The following MSL2 variants were observed in gnomAD, a reference collection of about 807,000 sequenced individuals.
MSL2 encodes MSL complex subunit 2.
MSL2 carries 2 observed loss-of-function variants against 35.8 expected under a neutral mutation model. The ratio of observed to expected loss-of-function variants is 0.06; its 90% CI spans 0.02 to 0.18. The LOEUF is 0.18. MSL2 is among the 10% of genes least tolerant of loss of function. The pLI is 1.00. For missense variants in MSL2, 523 were observed against 706.7 expected, an observed-to-expected ratio of 0.74 and a Z score of 2.95; for synonymous variants, 296 against 255.7, an observed-to-expected ratio of 1.16 and a Z score of -1.50.
chr3:136,181,466 T>C (rs1286869655), intron 1 of MSL2, among the ~76,000 whole-genome samples: 1 of 152,196 alleles, frequency 6.6e-6, no homozygotes, highest in Admixed American at 6.5e-5. Context: ...GATAAACATT[T>C]AAAATGTTTT....
rs1940822649 is a variant in MSL2 at position 136,195,677 on chromosome 3, CGAA to C, written c.-567_-565del. ...CTAGTGCAAGACGCCGCGGCGGCGA[CGAA>C]GGTTGATGTTGCGGCTGGCGGACGC... On this transcript the variant is annotated 5_prime_UTR_variant, in exon 1 of 2. Coordinates refer to ENST00000309993, the MANE Select transcript of MSL2 (RefSeq NM_018133.4). The C allele has an allele frequency of 1.0e-6, 1 of 985,454 alleles. No homozygotes were observed. Among genetic ancestry groups the C allele is most frequent in the Admixed American group, 6.1e-5 (1 of 16,264 alleles). The allele number at this position is 985,454 out of a possible 1,614,324, so 61.0% of individuals were successfully genotyped here.
chr3:136,172,018 C>T (rs920970679), intron 1 of MSL2, among the ~76,000 whole-genome samples: 24 of 152,104 alleles, frequency 1.6e-4, no homozygotes, highest in African/African-American at 4.1e-4. Context: ...CAGCCTTCTG[C>T]GTAGGTGGGA....
rs556612280 is a variant in MSL2 at position 136,186,204 on chromosome 3, C to G, written c.142+8768G>C. 2.0e-5 allele frequency among the ~76,000 whole-genome samples: 3 copies of G among 152,270 alleles called. No homozygotes were observed. The South Asian group carries it at 6.2e-4, about 32-fold the overall frequency. On this transcript the variant is annotated intron_variant, in intron 1 of 1. Coordinates refer to ENST00000309993, the MANE Select transcript of MSL2 (RefSeq NM_018133.4). ...GACTCCTTCAATTTTTCCCATATGT[C>G]TGTGTCAAACTGCCAGGTTTTGTCA...
At chr3:136,167,755 C>T (rs1402575765) in intron 1 of MSL2, among the ~76,000 whole-genome samples, 2 of 151,978 alleles carry the variant, frequency 1.3e-5, no homozygotes, top group Non-Finnish European at 2.9e-5. Flanking sequence ...TCAAGGTATC[C>T]ACAAGAAGAC....
At chr3:136,156,230 A>C (rs1939517386) in intron 1 of MSL2, among the ~76,000 whole-genome samples, 1 of 152,210 alleles carries the variant, frequency 6.6e-6, no homozygotes, top group Non-Finnish European at 1.5e-5. Flanking sequence ...TACAGTTTTG[A>C]GTACAGCTGA....
chr3:136,152,399 G>A lies in MSL2; in HGVS notation c.482C>T (p.Pro161Leu). ...FTLCLTHSPLPSTSEPTTDPQ... is the reference protein window; with the variant it reads ...FTLCLTHSPLLSTSEPTTDPQ... ...ATCAGTTGTGGGTTCTGAGGTTGAA[G>A]GTAAAGGGGAATGTGTCAAACACAA... is the stretch of plus-strand genomic sequence containing the variant. Residue 161 changes from proline to leucine, a missense_variant, in exon 2 of 2, where the codon CCT (proline) becomes CTT (leucine). Pro to Leu is a moderately conservative substitution (Grantham distance 98). Coordinates refer to ENST00000309993, the MANE Select transcript of MSL2 (RefSeq NM_018133.4). 2 of 1,614,168 alleles carry A rather than the reference G, an allele frequency of 1.2e-6. No homozygotes were observed. The highest frequency in any genetic ancestry group is 1.7e-6 in the Non-Finnish European group (2 of 1,180,022).
intron 1 of MSL2, among the ~76,000 whole-genome samples, chr3:136,172,292 C>G (rs139492016): frequency 2.6e-5 from 4 of 152,160 alleles, no homozygotes; most frequent in African/African-American, 9.7e-5. Flanking sequence ...TACACACATA[C>G]AGTACCCTTT....
intron 1 of MSL2, among the ~76,000 whole-genome samples, chr3:136,188,232 G>A (rs763982013): frequency 3.9e-5 from 6 of 152,000 alleles, no homozygotes; most frequent in African/African-American, 7.3e-5. Flanking sequence ...TACAGAGATC[G>A]AGACCATCCT....
At position 136,151,378 on chromosome 3, in the gene MSL2, G is replaced by C; in HGVS notation, c.1503C>G (p.Ser501=). The C allele has an allele frequency of 6.2e-7, 1 of 1,614,206 alleles. No homozygotes were observed. The highest frequency in any genetic ancestry group is 8.5e-7 in the Non-Finnish European group (1 of 1,180,030). Residue 501 remains serine, a synonymous_variant, in exon 2 of 2, where the codon TCC becomes TCG. Transcript: ENST00000309993. The surrounding 1 kb of genome is among the most constrained non-coding windows in gnomAD (Gnocchi z 5.2). ...GCTTCTTCTCCCCATTGGCCATATA[G>C]GAGTTTTGGCAGCCACGACATATAC... ...LDCICRGCQN[S]YMANGEKKLE... is the part of the protein sequence containing the mutation.
chr3:136,173,428 T>C (rs1043006259), intron 1 of MSL2, among the ~76,000 whole-genome samples: 9 of 152,180 alleles, frequency 5.9e-5, no homozygotes, highest in African/African-American at 2.2e-4. Context: ...AAAAGCCTGG[T>C]CTTCCTCCTG....
chr3:136,153,552 C>G (rs1300891398), intron 1 of MSL2, among the ~76,000 whole-genome samples: 1 of 152,184 alleles, frequency 6.6e-6, no homozygotes, highest in African/African-American at 2.4e-5. Context: ...CTTTGGGAGG[C>G]TGAGGTGGGC....
At position 136,152,238 on chromosome 3, in the gene MSL2, A is replaced by C; in HGVS notation, c.643T>G (p.Ser215Ala). The change falls in exon 2 of 2, where the codon TCA (serine) becomes GCA (alanine). Residue 215 changes from serine (S) to alanine (A), a missense_variant. By Grantham distance (99) the Ser-to-Ala change is moderately conservative. This residue lies in a region of MSL2 where 361 missense variants were observed against 414.6 expected (regional missense o/e 0.87). Coordinates refer to ENST00000309993, the MANE Select transcript of MSL2 (RefSeq NM_018133.4). ...GTATTACATACGTCAATCGTATTTG[A>C]ATGTTCAGGTGAAGGAATATTTATA... ...FGINIPSPEHSNTIDVCNTVD... is the reference protein window; with the variant it reads ...FGINIPSPEHANTIDVCNTVD... 1 of 1,614,140 alleles carries C rather than the reference A, an allele frequency of 6.2e-7. No individual in the cohort carries two copies. The highest frequency in any genetic ancestry group is 8.5e-7 in the Non-Finnish European group (1 of 1,179,996).
At chr3:136,177,080 T>C (rs893837845) in intron 1 of MSL2, among the ~76,000 whole-genome samples, 6 of 152,184 alleles carry the variant, frequency 3.9e-5, no homozygotes, top group Non-Finnish European at 7.3e-5. Flanking sequence ...AACCTGTTAC[T>C]GTAAACCTCC....
intron 1 of MSL2, among the ~76,000 whole-genome samples, chr3:136,167,165 T>A (rs1316558932): frequency 6.6e-6 from 1 of 152,074 alleles, no homozygotes; most frequent in African/African-American, 2.4e-5. Flanking sequence ...ATAATGATCA[T>A]AAAATGGCAA....
In MSL2 at chr3:136,152,871, TA is replaced by T. The variant is rs1286004399; in HGVS notation, c.143-134del. The stretch of plus-strand genomic sequence containing the variant: ...ACTCACTAGACCAGATAACAGAAAA[TA>T]TATCTTAGAAGAAACGGAAGAATCT... On this transcript the variant is annotated intron_variant, in intron 1 of 1. Transcript: ENST00000309993. The T allele has an allele frequency of 2.8e-6, 4 of 1,442,426 alleles. No homozygotes were observed. The Admixed American group carries it at 1.1e-4, about 41-fold the overall frequency. The allele number at this position is 1,442,426 out of a possible 1,614,324, so 89.4% of individuals were successfully genotyped here.
intron 1 of MSL2, among the ~76,000 whole-genome samples, chr3:136,155,291 C>T (rs1939487411): frequency 6.6e-6 from 1 of 151,260 alleles, no homozygotes; most frequent in Non-Finnish European, 1.5e-5. Flanking sequence ...GATCACCTGA[C>T]GTCAGGAGTT....
At chr3:136,182,745 G>C (rs1184979793) in intron 1 of MSL2, among the ~76,000 whole-genome samples, 1 of 151,814 alleles carries the variant, frequency 6.6e-6, no homozygotes, top group Non-Finnish European at 1.5e-5. Context: ...AAGAAGTCCA[G>C]AGTGGTGTAC....
intron 1 of MSL2, among the ~76,000 whole-genome samples, chr3:136,172,942 T>A (rs2108078180): frequency 6.6e-6 from 1 of 152,166 alleles, no homozygotes; most frequent in Admixed American, 6.5e-5. Flanking sequence ...GGCAAGAGGA[T>A]CACTTGAGGT....
chr3:136,163,894 C>T lies in MSL2; in HGVS notation c.143-11156G>A, dbSNP rs1052454216. Among the ~76,000 whole-genome samples, 3 of 152,308 alleles carry T rather than the reference C, an allele frequency of 2.0e-5. No individual in the cohort carries two copies. The East Asian group carries it at 5.8e-4, about 29-fold the overall frequency. On this transcript the variant is annotated intron_variant, in intron 1 of 1. Transcript: ENST00000309993. ...TGCCCTGCTTCCCCTCTTTGTCTTC[C>T]ACCAAGATTGTTAAGTTCCTGAGGC...
Sources: gnomAD v4.1 joint callset for allele counts (sites outside exome capture counted in the v4.1 genomes callset) on GRCh38, gnomAD v4.1.1 for gene constraint, gnomAD v4.1.1 regional missense constraint, Gnocchi (gnomAD v3.1) non-coding constraint, MANE v1.5 for transcripts, NCBI Gene and HGNC (gene_info 2026-07-23, HGNC 2026-07-21) for gene names.